Variants in MOG observed in about 807,000 individuals in gnomAD.
MOG encodes myelin-oligodendrocyte glycoprotein.
Under a neutral mutation model 35.9 loss-of-function variants are expected in MOG, and 20 were observed. The ratio of observed to expected loss-of-function variants is 0.56; its 90% CI spans 0.39 to 0.81. MOG has a LOEUF of 0.81. MOG is among the 30% of genes least tolerant of loss of function. MOG has a pLI of 0.00. For missense variants in MOG, 251 were observed against 301.0 expected (o/e 0.83, Z 1.23); for synonymous variants, 92 against 114.3 (o/e 0.80, Z 1.25).
At chr6:29,659,269 G>A (rs1377422485) in intron 1 of MOG, 50 bp from the exon 2 acceptor site, 1 of 1,587,076 alleles carries the variant, frequency 6.3e-7, no homozygotes, top group South Asian at 1.1e-5. Flanking sequence ...AGGCTTGCTT[G>A]CCAAGGTTCC....
intron 7 of MOG, 81 bp from the exon 8 acceptor site, chr6:29,671,091 G>A (rs1771376122): frequency 6.2e-7 from 1 of 1,612,582 alleles, no homozygotes; most frequent in Non-Finnish European, 8.5e-7. Flanking sequence ...GACCCCAAGG[G>A]CTTTTCTTCT....
chr6:29,670,427 C>T lies in MOG; in HGVS notation c.709+30C>T, dbSNP rs930324073. On this transcript the variant is annotated intron_variant, in intron 6 of 7. Transcript: ENST00000376917. This position sits in a 1 kb window ranked among gnomAD's most constrained non-coding sequence, Gnocchi z 4.2. Reference sequence around the variant, plus strand: ...AGTGGCTGGGCAGCAGGCAAGACCACCAAATAGTGGGGGACCAAGTCAGCT... The same window carrying T: ...AGTGGCTGGGCAGCAGGCAAGACCATCAAATAGTGGGGGACCAAGTCAGCT... The T allele has an allele frequency of 3.7e-6, 6 of 1,602,772 alleles. No individual in the cohort carries two copies. The highest frequency in any genetic ancestry group is 5.1e-6 in the Non-Finnish European group (6 of 1,170,268).
rs759579503 is a variant in MOG at position 29,670,177 on chromosome 6, C to T, written c.593-104C>T. 6 of 1,602,974 alleles carry T rather than the reference C, an allele frequency of 3.7e-6. No individual in the cohort carries two copies. The highest frequency in any genetic ancestry group is 5.1e-6 in the Non-Finnish European group (6 of 1,169,898). The stretch of plus-strand genomic sequence containing the variant: ...ACTTTCTGAATTTTGTCCCCAGAGT[C>T]CTTTGGTGTTCTAGGACCCCAGGTT... On this transcript the variant is annotated intron_variant, in intron 5 of 7. Coordinates refer to ENST00000376917, the MANE Select transcript of MOG (RefSeq NM_206809.4). This position sits in a 1 kb window ranked among gnomAD's most constrained non-coding sequence, Gnocchi z 4.2.
intron 2 of MOG, 22 bp from the exon 3 acceptor site, chr6:29,666,130 A>C (rs773791530): frequency 6.6e-7 from 1 of 1,509,066 alleles, no homozygotes; most frequent in South Asian, 1.1e-5. Flanking sequence ...GGACAATGTC[A>C]AATGTCAGTC....
At chr6:29,657,883 G>A (rs1767515314) in intron 1 of MOG, among the ~76,000 whole-genome samples, 1 of 151,912 alleles carries the variant, frequency 6.6e-6, no homozygotes, top group South Asian at 2.1e-4. Context: ...GACCTCAAGT[G>A]GTCTGCCCTC....
At position 29,659,584 on chromosome 6, in the gene MOG, G is replaced by T; in HGVS notation, c.354G>T (p.Arg118Ser). ...GKVTLRIRNV[R>S]FSDEGGFTCF... ...TGACTCTCAGGATCCGGAATGTAAGGTTCTCAGATGAAGGAGGTTTCACCT... is the reference window on the plus strand; with the variant it reads ...TGACTCTCAGGATCCGGAATGTAAGTTTCTCAGATGAAGGAGGTTTCACCT... Residue 118 changes from arginine to serine, a missense_variant, in exon 2 of 8, where the codon AGG (arginine) becomes AGT (serine). Physicochemically the swap from Arg to Ser is moderately radical, Grantham distance 110. Coordinates refer to ENST00000376917, the MANE Select transcript of MOG (RefSeq NM_206809.4). The T allele has an allele frequency of 6.2e-7, 1 of 1,613,076 alleles. No individual in the cohort carries two copies. The highest frequency in any genetic ancestry group is 8.5e-7 in the Non-Finnish European group (1 of 1,180,044).
At position 29,670,075 on chromosome 6, in the gene MOG, AC is replaced by A; in HGVS notation, c.593-205del. On this transcript the variant is annotated intron_variant, in intron 5 of 7. Coordinates refer to ENST00000376917, the MANE Select transcript of MOG (RefSeq NM_206809.4). This position sits in a 1 kb window ranked among gnomAD's most constrained non-coding sequence, Gnocchi z 4.2. ...TGAGCCACCACACCTGGCAGTTGTT[AC>A]ATTTTTAATGAAAGAAAATGTTAAA... 1 of 903,626 alleles carries A rather than the reference AC, an allele frequency of 1.1e-6. No homozygotes were observed. Among genetic ancestry groups the A allele is most frequent in the Non-Finnish European group, 1.8e-6 (1 of 554,124 alleles). 56.0% of individuals were successfully genotyped at this position (903,626 alleles called of 1,614,324 possible).
chr6:29,660,200 G>A (rs754405814), intron 2 of MOG, among the ~76,000 whole-genome samples: 14 of 133,238 alleles, frequency 1.1e-4, no homozygotes, highest in African/African-American at 1.7e-4. Context: ...CTCCCTACCC[G>A]TCTCTAAAAA....
Position 29,671,340 on chromosome 6 carries a change from A to G in MOG, c.*155A>G. On this transcript the variant is annotated 3_prime_UTR_variant, in exon 8 of 8. Transcript: ENST00000376917. The stretch of plus-strand genomic sequence containing the variant: ...CAGGAACACTCTGAATTCCAAGTAG[A>G]ATTGATTTCCCTTCTTCTGTCATCT... 1.2e-6 allele frequency: 2 copies of G among 1,611,926 alleles called. No individual in the cohort carries two copies. Among genetic ancestry groups the G allele is most frequent in the South Asian group, 2.2e-5 (2 of 91,020 alleles).
chr6:29,667,594 C>A, intron 3 of MOG, 49 bp from the exon 4 acceptor site: 1 of 1,611,858 alleles, frequency 6.2e-7, no homozygotes. Flanking sequence ...GGGTCCCCAC[C>A]GAGAGCCAGA....
In MOG at chr6:29,671,616, C is replaced by T; in HGVS notation, c.*431C>T. The T allele has an allele frequency of 1.5e-6, 1 of 667,582 alleles. No homozygotes were observed. Among genetic ancestry groups the T allele is most frequent in the East Asian group, 2.6e-5 (1 of 38,106 alleles). 41.4% of individuals were successfully genotyped at this position (667,582 alleles called of 1,614,324 possible). A position where few individuals can be genotyped will look rare whatever the true frequency, so the allele number is the denominator to read the frequency against. The stretch of plus-strand genomic sequence containing the variant: ...TTCCAAGACTCCAGCCCTGATTGCG[C>T]AAAACTGAAAGGCATGTGAAGGGAA... On this transcript the variant is annotated 3_prime_UTR_variant, in exon 8 of 8. Coordinates refer to ENST00000376917, the MANE Select transcript of MOG (RefSeq NM_206809.4).
rs1203519421 is a variant in MOG, at chr6:29,662,381, G to C, written c.436+2715G>C. Among the ~76,000 whole-genome samples, 1 of 152,016 alleles carries C rather than the reference G, an allele frequency of 6.6e-6. No homozygotes were observed. Among genetic ancestry groups the C allele is most frequent in the African/African-American group, 2.4e-5 (1 of 41,376 alleles). On this transcript the variant is annotated intron_variant, in intron 2 of 7. Transcript: ENST00000376917. The surrounding 1 kb of genome is among the most constrained non-coding windows in gnomAD (Gnocchi z 4.2). ...TGCCAGTAATCCCAGCTACTTGAGA[G>C]ACTGAGGCAGGAGAATCGCTTGAAC...
rs1243466160 is a variant in MOG, at chr6:29,662,121, TTTC to T, written c.436+2458_436+2460del. On this transcript the variant is annotated intron_variant, in intron 2 of 7. Coordinates refer to ENST00000376917, the MANE Select transcript of MOG (RefSeq NM_206809.4). This position sits in a 1 kb window ranked among gnomAD's most constrained non-coding sequence, Gnocchi z 4.2. ...CTAATTTCTCTTGTTTACTTATTTT[TTTC>T]TTGTCATTTTTGTGATTTTATTACT... is the stretch of plus-strand genomic sequence containing the variant. The T allele has an allele frequency of 1.5e-5, 15 of 985,018 alleles. No individual in the cohort carries two copies. Among genetic ancestry groups the T allele is most frequent in the Non-Finnish European group, 1.8e-5 (15 of 829,648 alleles). The allele number at this position is 985,018 out of a possible 1,614,324, so 61.0% of individuals were successfully genotyped here. A position where few individuals can be genotyped will look rare whatever the true frequency, so the allele number is the denominator to read the frequency against.
In MOG at chr6:29,666,252, G is replaced by A. The variant is rs1770193955; in HGVS notation, c.537G>A (p.Gln179=). The change falls in exon 3 of 8, where the codon CAG becomes CAA. Residue 179 remains glutamine (Q), a synonymous_variant. Transcript: ENST00000376917. ...TTGGCCTCATCTTCCTCTGCCTGCAGTACAGACTGAGAGGTACAGGGCAGA... is the reference window on the plus strand; with the variant it reads ...TTGGCCTCATCTTCCTCTGCCTGCAATACAGACTGAGAGGTACAGGGCAGA... ...ITVGLIFLCL[Q]YRLRGKLRAE... The A allele has an allele frequency of 6.2e-7, 1 of 1,603,410 alleles. No homozygotes were observed. Among genetic ancestry groups the A allele is most frequent in the Middle Eastern group, 1.7e-4 (1 of 6,020 alleles).
chr6:29,657,668 T>C (rs1475796279), intron 1 of MOG, among the ~76,000 whole-genome samples: 4 of 133,614 alleles, frequency 3.0e-5, no homozygotes, highest in East Asian at 2.8e-4. Flanking sequence ...CTTTTCTTTT[T>C]TTTTTTTTTT....
chr6:29,667,933 C>G lies in MOG; in HGVS notation c.592+9C>G, dbSNP rs201275452. 6 of 1,613,074 alleles carry G rather than the reference C, an allele frequency of 3.7e-6. No individual in the cohort carries two copies. Among genetic ancestry groups the G allele is most frequent in the Non-Finnish European group, 5.1e-6 (6 of 1,179,942 alleles). On this transcript the variant is annotated intron_variant, in intron 5 of 7. Transcript: ENST00000376917. ...TCTCCACCGGACTTTTGGTAAGTTCCGGCATGTCTAGGCCCTCCCAGGTCA... is the reference window on the plus strand; with the variant it reads ...TCTCCACCGGACTTTTGGTAAGTTCGGGCATGTCTAGGCCCTCCCAGGTCA...
chr6:29,667,356 T>C (rs1770436755), intron 3 of MOG, among the ~76,000 whole-genome samples: 1 of 152,180 alleles, frequency 6.6e-6, no homozygotes. Flanking sequence ...AGCAGCTCTG[T>C]GAACTGAGAA....
In MOG at chr6:29,666,234, C is replaced by G. The variant is rs756931798; in HGVS notation, c.519C>G (p.Leu173=). 5 of 1,612,260 alleles carry G rather than the reference C, an allele frequency of 3.1e-6. No individual in the cohort carries two copies. The highest frequency in any genetic ancestry group is 1.1e-5 in the South Asian group (1 of 91,066). Residue 173 remains leucine, a synonymous_variant, in exon 3 of 8, where the codon CTC becomes CTG. Coordinates refer to ENST00000376917, the MANE Select transcript of MOG (RefSeq NM_206809.4). ...TCCTCCTGCAGATCACTGTTGGCCT[C>G]ATCTTCCTCTGCCTGCAGTACAGAC... is the stretch of plus-strand genomic sequence containing the variant. ...PVLLLQITVG[L]IFLCLQYRLR...
In MOG at chr6:29,657,155, C is replaced by A; in HGVS notation, c.-55C>A. The A allele has an allele frequency of 7.7e-7, 1 of 1,299,304 alleles. No individual in the cohort carries two copies. Among genetic ancestry groups the A allele is most frequent in the Non-Finnish European group, 1.1e-6 (1 of 895,916 alleles). 80.5% of individuals were successfully genotyped at this position (1,299,304 alleles called of 1,614,324 possible). Reference sequence around the variant, plus strand: ...AGTAAGGGGACATGCACCCCAAGGGCCTCCACTTGGCCTGACCTTGCTGCG... The same window carrying A: ...AGTAAGGGGACATGCACCCCAAGGGACTCCACTTGGCCTGACCTTGCTGCG... On this transcript the variant is annotated 5_prime_UTR_variant, in exon 1 of 8. Transcript: ENST00000376917.
Sources: allele counts gnomAD v4.1 joint callset (sites outside exome capture counted in the v4.1 genomes callset), GRCh38; gene constraint gnomAD v4.1.1; non-coding constraint Gnocchi (gnomAD v3.1); transcripts MANE v1.5; gene names NCBI Gene and HGNC (gene_info 2026-07-23, HGNC 2026-07-21).